KLF8: variants seen among roughly 807,000 people sequenced by gnomAD.
KLF8 encodes Krueppel-like factor 8.
KLF8 carries 10 observed loss-of-function variants against 18.2 expected under a neutral mutation model. The observed-to-expected ratio is 0.55, with a 90% CI of 0.34 to 0.93. The LOEUF is 0.93. Among genes scored for constraint, KLF8 ranks in the 40% least tolerant of loss-of-function variants. The probability of loss-of-function intolerance (pLI) is 0.02; values close to 1 mark genes in which losing one functional copy is unlikely to be tolerated. For synonymous variants in KLF8, 109 were observed against 97.3 expected (o/e 1.12, Z -0.71); for missense variants, 264 against 277.9 (o/e 0.95, Z 0.36).
chrX:56,115,026 T>C, the KLF8 span, among the ~76,000 whole-genome samples: 2 of 112,505 alleles, frequency 1.8e-5, no homozygotes, highest in Non-Finnish European at 3.7e-5. Context: ...TTTGAATAGT[T>C]ATGGATTTCC....
the KLF8 span, among the ~76,000 whole-genome samples, chrX:56,004,992 G>A: frequency 1.8e-5 from 2 of 108,488 alleles, no homozygotes; most frequent in African/African-American, 6.7e-5. Context: ...CCAGAATGAT[G>A]CCTTAATGGG....
At chrX:56,104,619 G>C in the KLF8 span, among the ~76,000 whole-genome samples, 2 of 110,690 alleles carry the variant, frequency 1.8e-5, no homozygotes, top group African/African-American at 6.6e-5. Flanking sequence ...TTCTTTTTTA[G>C]TCTTGCTAGA....
the KLF8 span, among the ~76,000 whole-genome samples, chrX:56,043,647 C>T: frequency 8.9e-6 from 1 of 112,140 alleles, no homozygotes; most frequent in African/African-American, 3.2e-5. Flanking sequence ...TTTTTCATCT[C>T]CATCAGGTCA....
the KLF8 span, among the ~76,000 whole-genome samples, chrX:56,189,376 G>T: frequency 1.4e-4 from 16 of 111,731 alleles, no homozygotes; most frequent in African/African-American, 4.6e-4. Context: ...AACAACAGGT[G>T]CTGGAGAGGA....
the KLF8 span, among the ~76,000 whole-genome samples, chrX:56,032,006 C>G: frequency 1.8e-5 from 2 of 111,033 alleles, no homozygotes; most frequent in African/African-American, 6.6e-5. Context: ...TGTCTGGAAT[C>G]TATGGATAAC....
chrX:56,185,870 G>A, the KLF8 span, among the ~76,000 whole-genome samples: 1 of 111,713 alleles, frequency 9.0e-6, no homozygotes, highest in African/African-American at 3.3e-5. Flanking sequence ...AGATCCTGAA[G>A]GAAGCACTAA....
the KLF8 span, among the ~76,000 whole-genome samples, chrX:55,919,328 C>T: frequency 8.9e-6 from 1 of 111,741 alleles, no homozygotes; most frequent in Non-Finnish European, 1.9e-5. Context: ...ACTTTTGCTC[C>T]CAAGAACTAC....
chrX:55,966,959 G>C, the KLF8 span, among the ~76,000 whole-genome samples: 1 of 111,967 alleles, frequency 8.9e-6, no homozygotes, highest in Non-Finnish European at 1.9e-5. Flanking sequence ...AAAAATTAGA[G>C]TTCAAAAATG....
the KLF8 span, among the ~76,000 whole-genome samples, chrX:56,171,159 C>T: frequency 5.4e-5 from 6 of 111,766 alleles, no homozygotes; most frequent in South Asian, 3.7e-4. Context: ...ACCACTATAT[C>T]TTTAGTAGAA....
the KLF8 span, among the ~76,000 whole-genome samples, chrX:56,053,491 G>A: frequency 1.9e-5 from 2 of 103,634 alleles, no homozygotes; most frequent in South Asian, 4.4e-4. Context: ...TTGTTTACTT[G>A]CTAGGTTTTG....
At chrX:55,954,071 G>C in the KLF8 span, among the ~76,000 whole-genome samples, 1 of 110,262 alleles carries the variant, frequency 9.1e-6, no homozygotes, top group Non-Finnish European at 1.9e-5. Context: ...AGGAGTCTGA[G>C]ATCCAGAATA....
the KLF8 span, among the ~76,000 whole-genome samples, chrX:56,046,757 C>G: frequency 9.0e-6 from 1 of 111,493 alleles, no homozygotes; most frequent in African/African-American, 3.3e-5. Context: ...GGCTGTTAAT[C>G]TAATACATTT....
At chrX:55,982,768 AGT>A in the KLF8 span, among the ~76,000 whole-genome samples, 1 of 112,090 alleles carries the variant, frequency 8.9e-6, no homozygotes, top group African/African-American at 3.2e-5. Context: ...AATTTAAAAC[AGT>A]GTCTTACACA....
the KLF8 span, among the ~76,000 whole-genome samples, chrX:56,075,276 A>T: frequency 1.8e-5 from 2 of 111,441 alleles, no homozygotes; most frequent in Non-Finnish European, 3.8e-5. Context: ...ATTCATTGTG[A>T]TTGTATAGGG....
intron 2 of KLF8, among the ~76,000 whole-genome samples, chrX:56,260,313 A>G (rs973893482): frequency 4.5e-5 from 5 of 111,655 alleles, no homozygotes; most frequent in African/African-American, 1.6e-4. Context: ...GCCCACTACA[A>G]TGTGTTATAT....
the KLF8 span, among the ~76,000 whole-genome samples, chrX:56,175,924 T>C: frequency 1.9e-4 from 21 of 111,606 alleles, no homozygotes; most frequent in Admixed American, 1.7e-3. Flanking sequence ...TTGCAACCCC[T>C]GCCTTTTTTT....
intron 1 of KLF8, among the ~76,000 whole-genome samples, chrX:56,238,677 T>C (rs1382651906): frequency 1.8e-5 from 2 of 111,857 alleles, no homozygotes; most frequent in Non-Finnish European, 3.8e-5. Context: ...AGTCTAGATA[T>C]TGAGATTATG....
the KLF8 span, among the ~76,000 whole-genome samples, chrX:55,953,303 C>A: frequency 9.0e-6 from 1 of 111,088 alleles, no homozygotes; most frequent in Non-Finnish European, 1.9e-5. Context: ...AGTGAGGATG[C>A]CCCATTGAGC....
chrX:56,104,077 G>T, the KLF8 span, among the ~76,000 whole-genome samples: 1 of 111,830 alleles, frequency 8.9e-6, no homozygotes, highest in African/African-American at 3.3e-5. Flanking sequence ...TGATCATAGT[G>T]GATAAGCTTT....
Sources: allele counts gnomAD v4.1 joint callset (sites outside exome capture counted in the v4.1 genomes callset), GRCh38; gene constraint gnomAD v4.1.1; transcripts MANE v1.5; gene names NCBI Gene and HGNC (gene_info 2026-07-23, HGNC 2026-07-21).